The following PRKCZ variants were observed in gnomAD, a reference collection of about 807,000 sequenced individuals.
PRKCZ encodes the protein protein kinase C zeta type.
Under a neutral mutation model 79.5 loss-of-function variants are expected in PRKCZ, and 33 were observed. The observed-to-expected ratio is 0.41, with a 90% CI of 0.31 to 0.55. PRKCZ has a LOEUF of 0.55. Among genes scored for constraint, PRKCZ ranks in the 20% least tolerant of loss-of-function variants. PRKCZ has a pLI of 0.19. For synonymous variants in PRKCZ, 342 were observed against 320.9 expected (o/e 1.07, Z -0.70); for missense variants, 578 against 813.5 (o/e 0.71, Z 3.52).
At chr1:2,101,626 C>T (rs994305277) in intron 4 of PRKCZ, among the ~76,000 whole-genome samples, 1 of 152,210 alleles carries the variant, frequency 6.6e-6, no homozygotes, top group Non-Finnish European at 1.5e-5. Context: ...TCTTCAAGTG[C>T]CCTGGGCTTC....
At chr1:2,077,553 G>A (rs1011665269) in intron 4 of PRKCZ, among the ~76,000 whole-genome samples, 25 of 152,202 alleles carry the variant, frequency 1.6e-4, no homozygotes, top group African/African-American at 5.8e-4. Context: ...TTAAATGGTT[G>A]TGTATAAAGT....
chr1:2,162,780 A>T (rs149322830), intron 10 of PRKCZ, among the ~76,000 whole-genome samples: 1 of 152,120 alleles, frequency 6.6e-6, no homozygotes, highest in African/African-American at 2.4e-5. Context: ...TGAGTGTTTC[A>T]TCTCGTTTCT....
intron 5 of PRKCZ, among the ~76,000 whole-genome samples, chr1:2,140,652 G>C (rs1025231582): frequency 1.3e-5 from 2 of 150,006 alleles, no homozygotes; most frequent in Non-Finnish European, 3.0e-5. Flanking sequence ...GTGAGACTCC[G>C]TCTCAAAAAA....
chr1:2,175,651 G>A (rs140368518), intron 16 of PRKCZ, among the ~76,000 whole-genome samples: 2,854 of 151,462 alleles, frequency 0.019, 36 homozygotes, highest in Non-Finnish European at 0.028. Flanking sequence ...GCGCACCGCC[G>A]GGCTGGTCTT....
At chr1:2,099,058 CTG>C (rs1667018500) in intron 4 of PRKCZ, among the ~76,000 whole-genome samples, 1 of 151,830 alleles carries the variant, frequency 6.6e-6, no homozygotes, top group South Asian at 2.1e-4. Context: ...GTTGTCTGTG[CTG>C]TGACTTCCGT....
chr1:2,172,137 G>A lies in PRKCZ; in HGVS notation c.1144G>A (p.Val382Ile), dbSNP rs753761564. 34 of 1,613,332 alleles carry A rather than the reference G, an allele frequency of 2.1e-5. No individual in the cohort carries two copies. The highest frequency in any genetic ancestry group is 2.7e-5 in the African/African-American group (2 of 74,924). ...IIYRDLKLDN[V>I]LLDADGHIKL... ...CTACAGGGACCTGAAGCTGGACAACGTCCTCCTGGATGCGGACGGGCACAT... is the reference window on the plus strand; with the variant it reads ...CTACAGGGACCTGAAGCTGGACAACATCCTCCTGGATGCGGACGGGCACAT... Residue 382 changes from valine to isoleucine, a missense_variant, in exon 12 of 18, where the codon GTC becomes ATC. Coordinates refer to ENST00000378567, the MANE Select transcript of PRKCZ (RefSeq NM_002744.6). The surrounding 1 kb of genome is among the most constrained non-coding windows in gnomAD (Gnocchi z 7.8).
rs992319476 is a variant in PRKCZ, at chr1:2,165,720, G to A, written c.975-3798G>A. ...GTACACACATGGTGGTGGCCCGCCC[G>A]GACCCATCTGGTTAATTCTTGACTC... On this transcript the variant is annotated intron_variant, in intron 10 of 17. Coordinates refer to ENST00000378567, the MANE Select transcript of PRKCZ (RefSeq NM_002744.6). The surrounding 1 kb of genome is among the most constrained non-coding windows in gnomAD (Gnocchi z 4.1). 3.3e-5 allele frequency among the ~76,000 whole-genome samples: 5 copies of A among 152,186 alleles called. No homozygotes were observed. Among genetic ancestry groups the A allele is most frequent in the Non-Finnish European group, 7.4e-5 (5 of 68,020 alleles).
intron 10 of PRKCZ, among the ~76,000 whole-genome samples, chr1:2,166,005 G>A (rs1446926454): frequency 1.3e-5 from 2 of 152,202 alleles, no homozygotes; most frequent in African/African-American, 2.4e-5. Flanking sequence ...TCCAGGGCAG[G>A]GTCAGGGACT....
intron 3 of PRKCZ, among the ~76,000 whole-genome samples, chr1:2,057,620 C>A (rs932898438): frequency 2.0e-5 from 3 of 152,196 alleles, no homozygotes; most frequent in Non-Finnish European, 4.4e-5. Context: ...AATCCCAGCA[C>A]TTTGGGAGGT....
chr1:2,076,964 C>A (rs1662541860), intron 4 of PRKCZ, among the ~76,000 whole-genome samples: 1 of 152,180 alleles, frequency 6.6e-6, no homozygotes, highest in Admixed American at 6.5e-5. Context: ...CTGGCTGCTT[C>A]TCTGTGAGGC....
At chr1:2,121,515 C>CATGGTGGTAGTTAGGGTTATGGTAG (rs1175917015) in intron 4 of PRKCZ, among the ~76,000 whole-genome samples, 9 of 19,122 alleles carry the variant, frequency 4.7e-4, no homozygotes, top group East Asian at 2.4e-3. Context: ...CATGGTGGTA[C>CATGGTGGTAGTTAGGGTTATGGTAG]TTAAGGTCAT....
Position 2,169,617 on chromosome 1 carries a change from G to A in PRKCZ, c.1061+13G>A. The A allele has an allele frequency of 6.7e-7, 1 of 1,486,964 alleles. No individual in the cohort carries two copies. The highest frequency in any genetic ancestry group is 9.0e-7 in the Non-Finnish European group (1 of 1,108,852). 92.1% of individuals were successfully genotyped at this position (1,486,964 alleles called of 1,614,324 possible). A position where few individuals can be genotyped will look rare whatever the true frequency, so the allele number is the denominator to read the frequency against. ...AGGAGCACGCCAGGTGGGTGCGCGT[G>A]GACGGGGCCGGGTGGGTGCGCCCGG... On this transcript the variant is annotated intron_variant, in intron 11 of 17. Coordinates refer to ENST00000378567, the MANE Select transcript of PRKCZ (RefSeq NM_002744.6).
chr1:2,112,984 G>A (rs1193445614), intron 4 of PRKCZ, among the ~76,000 whole-genome samples: 1 of 152,162 alleles, frequency 6.6e-6, no homozygotes. Flanking sequence ...GAGCCACTGC[G>A]CCCGGCCCCA....
chr1:2,073,877 G>A (rs1008935353), intron 4 of PRKCZ: 2 of 1,152,286 alleles, frequency 1.7e-6, no homozygotes, highest in South Asian at 2.4e-5. Context: ...CTGCACGCCC[G>A]CCGCGCACAG....
chr1:2,153,230 A>G (rs991634454), intron 9 of PRKCZ, among the ~76,000 whole-genome samples: 2 of 152,208 alleles, frequency 1.3e-5, no homozygotes, highest in African/African-American at 4.8e-5. Flanking sequence ...AGCATCTTTC[A>G]TGCACCTGTT....
intron 4 of PRKCZ, among the ~76,000 whole-genome samples, chr1:2,084,795 A>G (rs1664184286): frequency 6.6e-6 from 1 of 152,122 alleles, no homozygotes; most frequent in Non-Finnish European, 1.5e-5. Flanking sequence ...GCCTGAGCTC[A>G]GGAGTTTTCA....
chr1:2,089,255 C>CT (rs1665067783), intron 4 of PRKCZ, among the ~76,000 whole-genome samples: 1 of 152,156 alleles, frequency 6.6e-6, no homozygotes, highest in African/African-American at 2.4e-5. Context: ...CCAGAGGTCT[C>CT]TGTTTCTGGG....
rs943556955 is a variant in PRKCZ, at chr1:2,146,171, C to T, written c.634+63C>T. The T allele has an allele frequency of 6.1e-6, 9 of 1,485,930 alleles. No homozygotes were observed. In the Admixed American group the frequency reaches 1.0e-4, roughly 17 times the overall value. 92.0% of individuals were successfully genotyped at this position (1,485,930 alleles called of 1,614,324 possible). On this transcript the variant is annotated intron_variant, in intron 7 of 17. Coordinates refer to ENST00000378567, the MANE Select transcript of PRKCZ (RefSeq NM_002744.6). The stretch of plus-strand genomic sequence containing the variant: ...CATCACCTCACCCTGCTCACCTCTG[C>T]CTTCTAGCCACGAGTCCTTTCTCAG...
intron 5 of PRKCZ, chr1:2,142,245 C>T (rs947530989): frequency 1.0e-5 from 3 of 297,918 alleles, no homozygotes; most frequent in South Asian, 2.5e-5. Flanking sequence ...ATCCAGCAGC[C>T]GAAGCGCCTC....
Sources: gnomAD v4.1 joint callset for allele counts (sites outside exome capture counted in the v4.1 genomes callset) on GRCh38, gnomAD v4.1.1 for gene constraint, Gnocchi (gnomAD v3.1) non-coding constraint, MANE v1.5 for transcripts, NCBI Gene and HGNC (gene_info 2026-07-23, HGNC 2026-07-21) for gene names.